The following SUN1 variants were observed in gnomAD, a reference collection of about 807,000 sequenced individuals.
SUN1 encodes the protein SUN domain-containing protein 1.
SUN1 carries 61 observed loss-of-function variants against 103.2 expected under a neutral mutation model. That is an observed-to-expected ratio of 0.59 (90% CI 0.48 to 0.73). The LOEUF (loss-of-function observed/expected upper bound fraction) is 0.73, where lower values mean the gene tolerates loss of function less well. Ranked by LOEUF, SUN1 falls within the 30% of genes least tolerant of loss-of-function variation. The probability of loss-of-function intolerance (pLI) is 0.00; values close to 1 mark genes in which losing one functional copy is unlikely to be tolerated. For missense variants in SUN1, 1,052 were observed against 1,034.6 expected, an observed-to-expected ratio of 1.02 and a Z score of -0.23; for synonymous variants, 490 against 425.7, an observed-to-expected ratio of 1.15 and a Z score of -1.86.
chr7:848,291 C>A, intron 5 of SUN1: 1 of 846,476 alleles, frequency 1.2e-6, no homozygotes, highest in South Asian at 1.5e-5. Context: ...TGGGCTCTTC[C>A]CCAAGTGATT....
chr7:860,073 A>G (rs12700166), intron 13 of SUN1, 55 bp from the exon 14 acceptor site: 40 of 1,593,232 alleles, frequency 2.5e-5, no homozygotes, highest in Non-Finnish European at 3.4e-5. Context: ...GGACCCGAAC[A>G]GTGGAAGTGA....
intron 1 of SUN1, 34 bp downstream of exon 1, chr7:832,635 T>C: frequency 6.4e-7 from 1 of 1,567,384 alleles, no homozygotes; most frequent in Non-Finnish European, 8.7e-7. Context: ...GTCCTGGCCT[T>C]GCAATGCCCA....
chr7:844,715 G>A (rs926134933), intron 5 of SUN1, among the ~76,000 whole-genome samples: 7 of 152,222 alleles, frequency 4.6e-5, no homozygotes, highest in Non-Finnish European at 1.0e-4. Flanking sequence ...GACCAGCACC[G>A]CTGAGCGGCC....
intron 1 of SUN1, among the ~76,000 whole-genome samples, chr7:824,523 G>A (rs1020257671): frequency 6.6e-6 from 1 of 152,224 alleles, no homozygotes; most frequent in African/African-American, 2.4e-5. Flanking sequence ...GCAGTAATAT[G>A]TATAAACTAA....
chr7:866,048 C>T lies in SUN1; in HGVS notation c.1961C>T (p.Ser654Phe), dbSNP rs1836223210. ...ATCCCGCTGTGGTACTTCTCGCAGT[C>T]CCCGCGCGTGGTCATCCAGGTGAGT... The part of the protein sequence containing the change: ...FGIPLWYFSQ[S>F]PRVVIQPDIY... The change falls in exon 16 of 19, where the codon TCC becomes TTC. Residue 654 changes from serine to phenylalanine, a missense_variant. Ser to Phe is a radical substitution (Grantham distance 155). This residue lies in a region of SUN1 where 206 missense variants were observed against 260.1 expected (regional missense o/e 0.79). Coordinates refer to ENST00000401592, the MANE Select transcript of SUN1 (RefSeq NM_001130965.3). 6.2e-7 allele frequency: 1 copy of T among 1,614,068 alleles called. No homozygotes were observed. The highest frequency in any genetic ancestry group is 8.5e-7 in the Non-Finnish European group (1 of 1,179,972).
At chr7:829,139 A>T (rs183266217), upstream of SUN1, among the ~76,000 whole-genome samples, 1 of 152,362 alleles carries the variant, frequency 6.6e-6, no homozygotes, top group Admixed American at 6.5e-5. Flanking sequence ...GGTTTTTCTG[A>T]TGCCATTGAA....
At chr7:861,340 TGTTCTGGTGTTTG>T in intron 14 of SUN1, 27 bp from the exon 15 acceptor site, 1 of 1,609,068 alleles carries the variant, frequency 6.2e-7, no homozygotes, top group Non-Finnish European at 8.5e-7. Flanking sequence ...TCTCCTCTCC[TGTTCTGGTGTTTG>T]GTCTTCCGTC....
rs1843004027 is a variant in SUN1 at position 873,472 on chromosome 7, T to G, written c.*141T>G. On this transcript the variant is annotated 3_prime_UTR_variant, in exon 19 of 19. Transcript: ENST00000401592. ...AAACGTGGCTGCTGGCCAGAGGACG[T>G]GAGCGTGTGACGGGCGCCTTGGCGC... The G allele has an allele frequency of 3.5e-6, 3 of 859,690 alleles. No individual in the cohort carries two copies. The highest frequency in any genetic ancestry group is 3.4e-5 in the South Asian group (2 of 58,260). The allele number at this position is 859,690 out of a possible 1,614,324, so 53.3% of individuals were successfully genotyped here. A position where few individuals can be genotyped will look rare whatever the true frequency, so the allele number is the denominator to read the frequency against.
intron 5 of SUN1, among the ~76,000 whole-genome samples, chr7:846,587 A>G (rs1816029198): frequency 6.6e-6 from 1 of 152,116 alleles, no homozygotes; most frequent in South Asian, 2.1e-4. Flanking sequence ...AATAAATTAA[A>G]AAATAGGCTG....
intron 18 of SUN1, 64 bp from the exon 19 acceptor site, chr7:873,151 A>T: frequency 7.1e-7 from 1 of 1,413,672 alleles, no homozygotes; most frequent in South Asian, 1.2e-5. Context: ...TATTTGGGGA[A>T]GTGATTGGAC....
At chr7:872,879 GAGTTCGAGACCAGC>G (rs1219695532) in intron 18 of SUN1, among the ~76,000 whole-genome samples, 2 of 152,176 alleles carry the variant, frequency 1.3e-5, no homozygotes, top group African/African-American at 2.4e-5. Flanking sequence ...ACGAGGTCAG[GAGTTCGAGACCAGC>G]CTGACCAACA....
intron 2 of SUN1, chr7:839,278 G>A (rs1806637919): frequency 9.2e-6 from 3 of 325,768 alleles, no homozygotes; most frequent in South Asian, 1.3e-4. Flanking sequence ...AGGTCTGGAA[G>A]CTTTGTGGTC....
Position 858,083 on chromosome 7 carries a change from C to T in SUN1, c.1524+126C>T. The T allele has an allele frequency of 4.2e-6, 5 of 1,201,014 alleles. No individual in the cohort carries two copies. In the South Asian group the frequency reaches 7.2e-5, roughly 17 times the overall value. The allele number at this position is 1,201,014 out of a possible 1,614,324, so 74.4% of individuals were successfully genotyped here. A position where few individuals can be genotyped will look rare whatever the true frequency, so the allele number is the denominator to read the frequency against. The stretch of plus-strand genomic sequence containing the variant: ...TATTTATTTTTGAAACCGAGTCTTG[C>T]TGTGGCACGCAGGCTAGACTGCAGT... On this transcript the variant is annotated intron_variant, in intron 13 of 18. Coordinates refer to ENST00000401592, the MANE Select transcript of SUN1 (RefSeq NM_001130965.3).
At chr7:855,502 C>T (rs73045425) in intron 11 of SUN1, among the ~76,000 whole-genome samples, 205 of 152,332 alleles carry the variant, frequency 1.3e-3, no homozygotes, top group Non-Finnish European at 1.9e-3. Context: ...GCTCAGGTTC[C>T]GGCTCTTTGT....
At chr7:823,163 G>A (rs759794361) in intron 1 of SUN1, among the ~76,000 whole-genome samples, 3 of 152,248 alleles carry the variant, frequency 2.0e-5, no homozygotes, top group Admixed American at 2.0e-4. Flanking sequence ...CACGTGCAGC[G>A]TTCACTTGTT....
intron 9 of SUN1, 139 bp from the exon 10 acceptor site, chr7:853,270 G>A (rs1432171953): frequency 2.0e-6 from 2 of 978,196 alleles, no homozygotes; most frequent in Non-Finnish European, 3.0e-6. Context: ...TGATACTCCG[G>A]GTTTCTGTGG....
Position 873,690 on chromosome 7 carries a change from C to T in SUN1, c.*359C>T, listed in dbSNP as rs1273185239. 7 of 188,072 alleles carry T rather than the reference C, an allele frequency of 3.7e-5. No homozygotes were observed. Among genetic ancestry groups the T allele is most frequent in the Admixed American group, 1.8e-4 (3 of 16,848 alleles). The allele number at this position is 188,072 out of a possible 1,614,324, so 11.7% of individuals were successfully genotyped here. A position where few individuals can be genotyped will look rare whatever the true frequency, so the allele number is the denominator to read the frequency against. ...CTTGACGCTTTGGTCTTCAGCCTTGCACTGGCTCTTCTAAAGGACTTTTGG... is the reference window on the plus strand; with the variant it reads ...CTTGACGCTTTGGTCTTCAGCCTTGTACTGGCTCTTCTAAAGGACTTTTGG... On this transcript the variant is annotated 3_prime_UTR_variant, in exon 19 of 19. Transcript: ENST00000401592.
intron 12 of SUN1, 55 bp downstream of exon 12, chr7:856,456 G>C: frequency 6.2e-7 from 1 of 1,603,098 alleles, no homozygotes; most frequent in South Asian, 1.1e-5. Flanking sequence ...GTGTGGTTAT[G>C]TGGAGCGGCA....
intron 1 of SUN1, chr7:817,281 G>A (rs536485769): frequency 3.1e-4 from 239 of 774,230 alleles, no homozygotes; most frequent in South Asian, 1.2e-3. Context: ...TTTTTGTAGG[G>A]TTGTGGTCTC....
Sources: allele counts gnomAD v4.1 joint callset (sites outside exome capture counted in the v4.1 genomes callset), GRCh38; gene constraint gnomAD v4.1.1; regional missense constraint gnomAD v4.1.1; transcripts MANE v1.5; gene names NCBI Gene and HGNC (gene_info 2026-07-23, HGNC 2026-07-21).